Variants in TMEM97 observed in about 807,000 individuals in gnomAD.
The protein encoded by TMEM97 is transmembrane protein 97, also known as sigma intracellular receptor 2.
Under a neutral mutation model 18.3 loss-of-function variants are expected in TMEM97, and 13 were observed. That is an observed-to-expected ratio of 0.71 (90% confidence interval 0.46 to 1.13). TMEM97 has a LOEUF of 1.13. Among genes scored for constraint, TMEM97 ranks in the 50% most tolerant of loss-of-function variants. TMEM97 has a pLI of 0.00. For synonymous variants in TMEM97, 76 were observed against 85.3 expected (o/e 0.89, Z 0.60); for missense variants, 205 against 210.5 (o/e 0.97, Z 0.16).
intron 1 of TMEM97, among the ~76,000 whole-genome samples, chr17:28,323,001 C>T (rs897819795): frequency 3.9e-5 from 6 of 152,170 alleles, no homozygotes; most frequent in Non-Finnish European, 5.9e-5. Context: ...TTAAAGACTA[C>T]ATGTATTAAG....
At position 28,327,935 on chromosome 17, in the gene TMEM97, T is replaced by G. The variant is rs1213461696; in HGVS notation, c.*1142T>G. 2.6e-5 allele frequency: 4 copies of G among 152,316 alleles called. No homozygotes were observed. The highest frequency in any genetic ancestry group is 9.6e-5 in the African/African-American group (4 of 41,464). The allele number at this position is 152,316 out of a possible 1,614,324, so 9.4% of individuals were successfully genotyped here. Reference sequence around the variant, plus strand: ...GCTAGTATGCTCCCTAGTGGATAACTTAATCTTTTAATACAGTTCCGTCAT... The same window carrying G: ...GCTAGTATGCTCCCTAGTGGATAACGTAATCTTTTAATACAGTTCCGTCAT... On this transcript the variant is annotated 3_prime_UTR_variant, in exon 3 of 3. Coordinates refer to ENST00000226230, the MANE Select transcript of TMEM97 (RefSeq NM_014573.3).
At chr17:28,325,088 T>C (rs782034858) in intron 1 of TMEM97, among the ~76,000 whole-genome samples, 6 of 152,160 alleles carry the variant, frequency 3.9e-5, no homozygotes, top group Non-Finnish European at 8.8e-5. Flanking sequence ...TTTTCATGTG[T>C]ATTTGTTTTT....
chr17:28,326,424 T>C, intron 2 of TMEM97, 110 bp from the exon 3 acceptor site: 1 of 1,362,088 alleles, frequency 7.3e-7, no homozygotes. Context: ...GAGTTTCCAC[T>C]TGGAGAAGGG....
chr17:28,324,807 T>A (rs1906270389), intron 1 of TMEM97: 1 of 152,230 alleles, frequency 6.6e-6, no homozygotes. Context: ...GTTTGTAGTT[T>A]GGGGCAGAGT....
rs1450901431 is a variant in TMEM97, at chr17:28,328,378, C to CA, written c.*1593dup. The CA allele has an allele frequency of 2.5e-4, 82 of 327,614 alleles. No homozygotes were observed. The highest frequency in any genetic ancestry group is 6.7e-4 in the African/African-American group (31 of 46,114). 20.3% of individuals were successfully genotyped at this position (327,614 alleles called of 1,614,324 possible). The stretch of plus-strand genomic sequence containing the variant: ...CTCCTTCCAAAGCTTTGTGAATTTA[C>CA]AAAAAAAAGGATGAAAGTTTACAAA... On this transcript the variant is annotated 3_prime_UTR_variant, in exon 3 of 3. Transcript: ENST00000226230.
chr17:28,327,482 T>C lies in TMEM97; in HGVS notation c.*689T>C, dbSNP rs577491390. ...TGAGTCACCTGACCCACAGCATATA[T>C]GCTTATGACTAAACCCTCCACTCCT... is the stretch of plus-strand genomic sequence containing the variant. On this transcript the variant is annotated 3_prime_UTR_variant, in exon 3 of 3. Transcript: ENST00000226230. 2 of 152,298 alleles carry C rather than the reference T, an allele frequency of 1.3e-5. No individual in the cohort carries two copies. The highest frequency in any genetic ancestry group is 4.1e-4 in the South Asian group (2 of 4,836). 9.4% of individuals were successfully genotyped at this position (152,298 alleles called of 1,614,324 possible).
intron 1 of TMEM97, among the ~76,000 whole-genome samples, chr17:28,321,800 C>CTGTGTGTG (rs538038865): frequency 0.029 from 3,836 of 132,026 alleles, 33 homozygotes; most frequent in African/African-American, 0.036. Flanking sequence ...TGGCCAGAAC[C>CTGTGTGTG]TGTGTGTGTG....
At chr17:28,322,072 C>T (rs1333043629) in intron 1 of TMEM97, among the ~76,000 whole-genome samples, 5 of 152,026 alleles carry the variant, frequency 3.3e-5, no homozygotes, top group African/African-American at 1.2e-4. Context: ...CAAAATTTAA[C>T]ATCTGTCATT....
rs781869233 is a variant in TMEM97 at position 28,325,545 on chromosome 17, C to T, written c.169C>T (p.Pro57Ser). ...LKWYAKEFKD[P>S]LLQEPPAWFK... ...GTGGTATGCTAAGGAGTTCAAAGAC[C>T]CACTGCTACAGGAGCCCCCAGCCTG... The change falls in exon 2 of 3, where the codon CCA (proline) becomes TCA (serine). Residue 57 changes from proline to serine, a missense_variant. Physicochemically the swap from Pro to Ser is moderately conservative, Grantham distance 74 (BLOSUM62 -1). Transcript: ENST00000226230. 9.3e-6 allele frequency: 15 copies of T among 1,614,052 alleles called. No homozygotes were observed. The highest frequency in any genetic ancestry group is 1.3e-5 in the Non-Finnish European group (15 of 1,180,032).
chr17:28,326,750 G>C lies in TMEM97; in HGVS notation c.488G>C (p.Arg163Pro). 6.2e-7 allele frequency: 1 copy of C among 1,613,780 alleles called. No individual in the cohort carries two copies. Among genetic ancestry groups the C allele is most frequent in the Non-Finnish European group, 8.5e-7 (1 of 1,179,974 alleles). The change falls in exon 3 of 3, where the codon CGG (arginine) becomes CCG (proline). Residue 163 changes from arginine (R) to proline (P), a missense_variant. Arg to Pro is a moderately radical substitution (Grantham distance 103). Transcript: ENST00000226230. ...TTCATACTTTTAATTTTCATGTTGC[G>C]GAGCCCCTACTACAAGTATGAAGAG... ...IPFILLIFML[R>P]SPYYKYEEKR...
Position 28,325,535 on chromosome 17 carries a change from G to A in TMEM97, c.159G>A (p.Glu53=). ...ACCTGCTGAAGTGGTATGCTAAGGA[G>A]TTCAAAGACCCACTGCTACAGGAGC... The part of the protein sequence containing the change: ...FRNLLKWYAK[E]FKDPLLQEPP... The change falls in exon 2 of 3, where the codon GAG becomes GAA. Residue 53 remains glutamate (E), a synonymous_variant. Coordinates refer to ENST00000226230, the MANE Select transcript of TMEM97 (RefSeq NM_014573.3). The A allele has an allele frequency of 6.2e-7, 1 of 1,614,180 alleles. No homozygotes were observed. Among genetic ancestry groups the A allele is most frequent in the South Asian group, 1.1e-5 (1 of 91,088 alleles).
chr17:28,325,396 G>A, intron 1 of TMEM97, 107 bp from the exon 2 acceptor site: 1 of 1,427,274 alleles, frequency 7.0e-7, no homozygotes, highest in East Asian at 2.3e-5. Context: ...GGGTAGTGGG[G>A]GGTGGCTAAT....
intron 1 of TMEM97, among the ~76,000 whole-genome samples, chr17:28,322,303 G>A (rs1178661117): frequency 6.6e-6 from 1 of 151,086 alleles, no homozygotes; most frequent in Non-Finnish European, 1.5e-5. Context: ...GTAGTGCAGT[G>A]GTGCAATCTC....
At position 28,326,674 on chromosome 17, in the gene TMEM97, C is replaced by G. The variant is rs1366671529; in HGVS notation, c.412C>G (p.His138Asp). 6.2e-6 allele frequency: 10 copies of G among 1,614,046 alleles called. No individual in the cohort carries two copies. Among genetic ancestry groups the G allele is most frequent in the Non-Finnish European group, 8.5e-6 (10 of 1,180,038 alleles). Residue 138 changes from histidine to aspartate, a missense_variant, in exon 3 of 3, where the codon CAT becomes GAT. Physicochemically the swap from His to Asp is moderately conservative, Grantham distance 81. Coordinates refer to ENST00000226230, the MANE Select transcript of TMEM97 (RefSeq NM_014573.3). ...GFKGQRPETL[H>D]ERLTLVSVYA... The stretch of plus-strand genomic sequence containing the variant: ...CAAGGGACAAAGACCTGAGACTTTG[C>G]ATGAACGGTTAACCCTTGTGTCTGT...
Position 28,326,856 on chromosome 17 carries a change from C to T in TMEM97, c.*63C>T. ...GGGTGGTTGCTTGTTGGATACAATA[C>T]AAGGAACACTGCTCAGAACCCACGT... On this transcript the variant is annotated 3_prime_UTR_variant, in exon 3 of 3. Transcript: ENST00000226230. 6.4e-7 allele frequency: 1 copy of T among 1,552,174 alleles called. No homozygotes were observed. Among genetic ancestry groups the T allele is most frequent in the Non-Finnish European group, 8.6e-7 (1 of 1,156,274 alleles).
Position 28,326,739 on chromosome 17 carries a change from T to G in TMEM97, c.477T>G (p.Ile159Met), listed in dbSNP as rs782545535. ...TACTCATCCCATTCATACTTTTAAT[T>G]TTCATGTTGCGGAGCCCCTACTACA... ...PYLLIPFILL[I>M]FMLRSPYYKY... The change falls in exon 3 of 3, where the codon ATT becomes ATG. Residue 159 changes from isoleucine to methionine, a missense_variant. Physicochemically the swap from Ile to Met is conservative, Grantham distance 10 (BLOSUM62 1). Transcript: ENST00000226230. 1.9e-6 allele frequency: 3 copies of G among 1,614,044 alleles called. No individual in the cohort carries two copies. Among genetic ancestry groups the G allele is most frequent in the Non-Finnish European group, 1.7e-6 (2 of 1,180,014 alleles).
rs782224492 is a variant in TMEM97 at position 28,326,964 on chromosome 17, A to ATT, written c.*186_*187dup. On this transcript the variant is annotated 3_prime_UTR_variant, in exon 3 of 3. Coordinates refer to ENST00000226230, the MANE Select transcript of TMEM97 (RefSeq NM_014573.3). ...CCATGTCAAACCCTCACCTTCTTCC[A>ATT]TTTTTTTTTTTTTTTTAAGACAGTC... 2,640 of 613,256 alleles carry ATT rather than the reference A, an allele frequency of 4.3e-3. No homozygotes were observed. The highest frequency in any genetic ancestry group is 5.1e-3 in the Middle Eastern group (12 of 2,338). 38.0% of individuals were successfully genotyped at this position (613,256 alleles called of 1,614,324 possible).
Position 28,319,258 on chromosome 17 carries a change from A to T in TMEM97, c.19A>T (p.Arg7Trp). 1 of 1,609,668 alleles carries T rather than the reference A, an allele frequency of 6.2e-7. No homozygotes were observed. The highest frequency in any genetic ancestry group is 8.5e-7 in the Non-Finnish European group (1 of 1,177,892). MGAPAT[R>W]RCVEWLLGLY... The stretch of plus-strand genomic sequence containing the variant: ...ACAGACTATGGGGGCTCCGGCAACC[A>T]GGCGCTGCGTGGAGTGGCTGCTGGG... Residue 7 changes from arginine to tryptophan, a missense_variant, in exon 1 of 3, where the codon AGG (arginine) becomes TGG (tryptophan). Coordinates refer to ENST00000226230, the MANE Select transcript of TMEM97 (RefSeq NM_014573.3).
At chr17:28,326,513 C>T (rs1597780990) in intron 2 of TMEM97, 21 bp from the exon 3 acceptor site, 2 of 1,605,666 alleles carry the variant, frequency 1.2e-6, no homozygotes, top group Admixed American at 3.4e-5. Flanking sequence ...AACCATTTTT[C>T]TTTTCCCCTG....
Sources: gnomAD v4.1 joint callset for allele counts (sites outside exome capture counted in the v4.1 genomes callset) on GRCh38, gnomAD v4.1.1 for gene constraint, MANE v1.5 for transcripts, NCBI Gene and HGNC (gene_info 2026-07-23, HGNC 2026-07-21) for gene names.